Variants in DNAH14 observed in about 807,000 individuals in gnomAD.
DNAH14 encodes the protein dynein axonemal heavy chain 14.
Under a neutral mutation model 520.9 loss-of-function variants are expected in DNAH14, and 478 were observed. That is an observed-to-expected ratio of 0.92 (90% CI 0.85 to 0.99). DNAH14 has a LOEUF of 0.99. DNAH14 is among the 50% of genes least tolerant of loss of function. The pLI, the probability that DNAH14 is intolerant of heterozygous loss-of-function variation, is 0.00. For missense variants in DNAH14, 4,831 were observed against 5,234.5 expected (o/e 0.92, Z 2.38); for synonymous variants, 1,581 against 1,757.2 (o/e 0.90, Z 2.51).
intron 64 of DNAH14, among the ~76,000 whole-genome samples, chr1:225,328,369 C>T (rs1254791783): frequency 6.6e-6 from 1 of 152,118 alleles, no homozygotes; most frequent in Admixed American, 6.5e-5. Flanking sequence ...TACATTCCAG[C>T]CAGAGCCACA....
At chr1:225,387,982 A>G (rs2095861800) in intron 81 of DNAH14, among the ~76,000 whole-genome samples, 1 of 152,142 alleles carries the variant, frequency 6.6e-6, no homozygotes, top group Admixed American at 6.5e-5. Flanking sequence ...AGGCAAAGGT[A>G]GGTAAGGGAG....
rs1291549357 is a variant in DNAH14 at position 225,374,248 on chromosome 1, C to A, written c.12319-440C>A. Among the ~76,000 whole-genome samples the A allele has an allele frequency of 1.9e-4, 15 of 77,870 alleles. No homozygotes were observed. The East Asian group carries it at 4.4e-3, about 23-fold the overall frequency. The allele number at this position is 77,870 out of a possible 152,430, so 51.1% of individuals were successfully genotyped here. On this transcript the variant is annotated intron_variant, in intron 77 of 85. Transcript: ENST00000682510. Reference sequence around the variant, plus strand: ...AAATATATATAATATATATATTTGTCTATATATATATATATATATATATTT... The same window carrying A: ...AAATATATATAATATATATATTTGTATATATATATATATATATATATATTT...
At position 224,956,780 on chromosome 1, in the gene DNAH14, C is replaced by T. The variant is rs557358747; in HGVS notation, c.217+1682C>T. 1.2e-4 allele frequency among the ~76,000 whole-genome samples: 19 copies of T among 152,182 alleles called. No individual in the cohort carries two copies. The East Asian group carries it at 2.9e-3, about 23-fold the overall frequency. ...CCTGAGCTTCCAGAATTCTGGCCTT[C>T]ATTGGGCCAGAATGTTTTAATCTGT... is the stretch of plus-strand genomic sequence containing the variant. On this transcript the variant is annotated intron_variant, in intron 3 of 85. Coordinates refer to ENST00000682510, the MANE Select transcript of DNAH14 (RefSeq NM_001367479.1).
chr1:225,151,208 T>C (rs887174494), intron 31 of DNAH14, among the ~76,000 whole-genome samples: 3 of 152,228 alleles, frequency 2.0e-5, no homozygotes, highest in Non-Finnish European at 4.4e-5. Flanking sequence ...CATATAAAAT[T>C]GTATCATAAT....
At chr1:225,029,562 C>T (rs114465762) in intron 11 of DNAH14, among the ~76,000 whole-genome samples, 2,165 of 151,984 alleles carry the variant, frequency 0.014, 37 homozygotes, top group African/African-American at 0.048. Context: ...ATGTAGTTTA[C>T]AGTCTAGAGG....
At chr1:225,074,406 T>C (rs2071986499) in intron 17 of DNAH14, among the ~76,000 whole-genome samples, 1 of 152,180 alleles carries the variant, frequency 6.6e-6, no homozygotes, top group South Asian at 2.1e-4. Flanking sequence ...ATACGGGACC[T>C]ACTTAATGAA....
chr1:225,100,813 A>G lies in DNAH14; in HGVS notation c.3796A>G (p.Thr1266Ala). ...CAAACAGAATGCTTTGCAGATAACC[A>G]CTTCTGCAGGAGTCCTTGAAATTCT... Reference protein sequence around the residue: ...QNKQNALQITTSAGVLEILQN... With the variant: ...QNKQNALQITASAGVLEILQN... The change falls in exon 23 of 86, where the codon ACT becomes GCT. Residue 1266 changes from threonine to alanine, a missense_variant. Transcript: ENST00000682510. The G allele has an allele frequency of 6.5e-7, 1 of 1,536,280 alleles. No homozygotes were observed. The highest frequency in any genetic ancestry group is 8.8e-7 in the Non-Finnish European group (1 of 1,142,006).
At chr1:225,193,552 A>G (rs2085723514) in intron 38 of DNAH14, among the ~76,000 whole-genome samples, 1 of 152,014 alleles carries the variant, frequency 6.6e-6, no homozygotes, top group Non-Finnish European at 1.5e-5. Flanking sequence ...TTAAAACTAA[A>G]TAGGTTAATA....
At chr1:225,069,829 A>T (rs531637987) in intron 17 of DNAH14, among the ~76,000 whole-genome samples, 2 of 152,188 alleles carry the variant, frequency 1.3e-5, no homozygotes, top group East Asian at 3.9e-4. Context: ...CTGTGAATCC[A>T]TCTGGTCCTG....
In DNAH14 at chr1:225,380,163, G is replaced by T; in HGVS notation, c.12721G>T (p.Glu4241Ter). The change falls in exon 80 of 86, where the codon GAG becomes TAG. Residue 4241 changes from glutamate (E) to a stop codon, truncating the protein, a stop_gained. Transcript: ENST00000682510. LOFTEE classifies it high-confidence loss of function. ...TTCTCTTGGTTTTTTTTGCAGACCT[G>T]AGCAGAGTAAGGATGAACTGGTGAT... is the stretch of plus-strand genomic sequence containing the variant. The part of the protein sequence containing the change: ...TTTANLMIRP[E>*]QSKDELVMEI... 1 of 1,549,784 alleles carries T rather than the reference G, an allele frequency of 6.5e-7. No homozygotes were observed. The highest frequency in any genetic ancestry group is 8.7e-7 in the Non-Finnish European group (1 of 1,146,354).
At chr1:224,990,913 A>G (rs1208948272) in intron 8 of DNAH14, among the ~76,000 whole-genome samples, 1 of 152,036 alleles carries the variant, frequency 6.6e-6, no homozygotes, top group Admixed American at 6.5e-5. Flanking sequence ...TTCTCACAAC[A>G]TTGTATAAAC....
intron 44 of DNAH14, among the ~76,000 whole-genome samples, chr1:225,255,349 G>A (rs764545667): frequency 1.1e-4 from 16 of 152,138 alleles, no homozygotes; most frequent in Non-Finnish European, 1.9e-4. Flanking sequence ...TCAAGTCATT[G>A]TATCATTAGG....
chr1:225,213,341 A>G (rs1376162059), intron 41 of DNAH14, among the ~76,000 whole-genome samples: 1 of 152,100 alleles, frequency 6.6e-6, no homozygotes, highest in Non-Finnish European at 1.5e-5. Context: ...GTCAGAAAGC[A>G]TGATGCCTCC....
chr1:225,364,465 G>A (rs114112525), intron 75 of DNAH14, among the ~76,000 whole-genome samples: 19 of 151,988 alleles, frequency 1.3e-4, no homozygotes, highest in Non-Finnish European at 1.6e-4. Flanking sequence ...ATTGTTTACC[G>A]TCATCATTTA....
At chr1:225,089,174 C>T (rs370059111) in intron 21 of DNAH14, among the ~76,000 whole-genome samples, 8 of 152,134 alleles carry the variant, frequency 5.3e-5, no homozygotes, top group East Asian at 3.9e-4. Flanking sequence ...CTGGGTGCGA[C>T]GGCTCATGCC....
chr1:225,036,002 AAG>A (rs1201456565), intron 11 of DNAH14, among the ~76,000 whole-genome samples: 1 of 152,192 alleles, frequency 6.6e-6, no homozygotes, highest in African/African-American at 2.4e-5. Flanking sequence ...GAATTAAAGA[AAG>A]AGGAAAGAAA....
At chr1:224,942,283 G>A (rs188371921) in intron 1 of DNAH14, among the ~76,000 whole-genome samples, 43 of 152,258 alleles carry the variant, frequency 2.8e-4, no homozygotes, top group African/African-American at 5.8e-4. Context: ...GTGAATGGGA[G>A]TTCACTCATG....
intron 68 of DNAH14, 32 bp from the exon 69 acceptor site, chr1:225,340,425 C>T: frequency 6.7e-7 from 1 of 1,492,896 alleles, no homozygotes; most frequent in South Asian, 1.3e-5. Flanking sequence ...TCTACATGTT[C>T]TTTGAATAAC....
chr1:225,374,285 A>T (rs2095667231), intron 77 of DNAH14, among the ~76,000 whole-genome samples: 1 of 138,252 alleles, frequency 7.2e-6, no homozygotes, highest in African/African-American at 2.7e-5. Flanking sequence ...TTTTTGAGAT[A>T]GAGTCTCACT....
Sources: gnomAD v4.1 joint callset for allele counts (sites outside exome capture counted in the v4.1 genomes callset) on GRCh38, gnomAD v4.1.1 for gene constraint, MANE v1.5 for transcripts, NCBI Gene and HGNC (gene_info 2026-07-23, HGNC 2026-07-21) for gene names.